Variants in NFIL3 observed in about 807,000 individuals in gnomAD.
The protein encoded by NFIL3 is nuclear factor interleukin-3-regulated protein.
NFIL3 carries 5 observed loss-of-function variants against 10.0 expected under a neutral mutation model. The observed-to-expected ratio is 0.50, with a 90% CI of 0.26 to 1.06. The LOEUF is 1.06. Ranked by LOEUF, NFIL3 falls within the 50% of genes least tolerant of loss-of-function variation. NFIL3 has a pLI of 0.13. For missense variants in NFIL3, 436 were observed against 547.6 expected, an observed-to-expected ratio of 0.80 and a Z score of 2.03; for synonymous variants, 202 against 206.5, an observed-to-expected ratio of 0.98 and a Z score of 0.19.
chr9:91,416,028 T>C (rs1009377781), intron 1 of NFIL3, among the ~76,000 whole-genome samples: 1 of 152,242 alleles, frequency 6.6e-6, no homozygotes, highest in Non-Finnish European at 1.5e-5. Context: ...TGGCACTATT[T>C]ATGAATTGAG....
At chr9:91,481,767 CAAAT>C in the NFIL3 span, among the ~76,000 whole-genome samples, 1 of 151,640 alleles carries the variant, frequency 6.6e-6, no homozygotes, top group African/African-American at 2.4e-5. Context: ...ATATATGTGA[CAAAT>C]AAAGAGTTAA....
the NFIL3 span, among the ~76,000 whole-genome samples, chr9:91,453,994 G>C: frequency 6.6e-6 from 1 of 151,958 alleles, no homozygotes. Flanking sequence ...AGCACTTTGG[G>C]AGGCTGAGGC....
chr9:91,451,645 C>T, the NFIL3 span, among the ~76,000 whole-genome samples: 1 of 152,196 alleles, frequency 6.6e-6, no homozygotes. Context: ...GAAGTAATGT[C>T]TCTCAGACAA....
At chr9:91,416,690 T>C (rs1377943931) in intron 1 of NFIL3, among the ~76,000 whole-genome samples, 1 of 152,226 alleles carries the variant, frequency 6.6e-6, no homozygotes, top group African/African-American at 2.4e-5. Context: ...TTGACATATT[T>C]TTCCATACAT....
upstream of NFIL3, among the ~76,000 whole-genome samples, chr9:91,424,899 C>T (rs776471214): frequency 7.2e-5 from 11 of 152,202 alleles, no homozygotes; most frequent in Non-Finnish European, 1.5e-4. Flanking sequence ...CCCAAATTCC[C>T]GGGCTACGGA....
chr9:91,415,143 C>T (rs1372846786), intron 1 of NFIL3, among the ~76,000 whole-genome samples: 8 of 152,054 alleles, frequency 5.3e-5, no homozygotes, highest in African/African-American at 1.4e-4. Flanking sequence ...ACCAAACTCC[C>T]GAGACCAGGC....
At chr9:91,416,676 C>G (rs1423910488) in intron 1 of NFIL3, among the ~76,000 whole-genome samples, 1 of 152,146 alleles carries the variant, frequency 6.6e-6, no homozygotes, top group Non-Finnish European at 1.5e-5. Context: ...TTATTACCTA[C>G]CAGTTGACAT....
At chr9:91,428,900 C>CA in the NFIL3 span, among the ~76,000 whole-genome samples, 58 of 151,858 alleles carry the variant, frequency 3.8e-4, no homozygotes, top group African/African-American at 1.3e-3. Context: ...GGGACATTAA[C>CA]AAAAAAAGGT....
intron 1 of NFIL3, among the ~76,000 whole-genome samples, chr9:91,417,225 A>G (rs1487691316): frequency 2.0e-5 from 3 of 151,308 alleles, no homozygotes; most frequent in African/African-American, 7.3e-5. Flanking sequence ...GAATTATCTT[A>G]TTTTCCCTCT....
chr9:91,457,804 G>A, the NFIL3 span, among the ~76,000 whole-genome samples: 4 of 151,990 alleles, frequency 2.6e-5, no homozygotes, highest in African/African-American at 9.7e-5. Context: ...GTTAGCTATA[G>A]GTTTATTGTA....
At chr9:91,429,121 T>C in the NFIL3 span, among the ~76,000 whole-genome samples, 1 of 152,144 alleles carries the variant, frequency 6.6e-6, no homozygotes, top group Non-Finnish European at 1.5e-5. Context: ...ACAAGACAGG[T>C]CCACATTGCA....
At chr9:91,422,920 T>TA (rs1833796308) in intron 1 of NFIL3, among the ~76,000 whole-genome samples, 1 of 152,184 alleles carries the variant, frequency 6.6e-6, no homozygotes, top group African/African-American at 2.4e-5. Flanking sequence ...GCGCCTCAAT[T>TA]ACCAAATCAT....
At chr9:91,481,899 A>T in the NFIL3 span, among the ~76,000 whole-genome samples, 1 of 152,222 alleles carries the variant, frequency 6.6e-6, no homozygotes, top group South Asian at 2.1e-4. Flanking sequence ...ATCAATAAAC[A>T]TATGAAAATA....
the NFIL3 span, among the ~76,000 whole-genome samples, chr9:91,449,139 A>T: frequency 6.6e-6 from 1 of 152,306 alleles, no homozygotes. Flanking sequence ...AATTTTCTAT[A>T]AGTAAGACAA....
At chr9:91,444,382 AT>A in the NFIL3 span, among the ~76,000 whole-genome samples, 1 of 151,868 alleles carries the variant, frequency 6.6e-6, no homozygotes, top group Non-Finnish European at 1.5e-5. Flanking sequence ...ATCTTCCTGG[AT>A]TTCCTTTAAA....
At chr9:91,430,511 G>A in the NFIL3 span, among the ~76,000 whole-genome samples, 47 of 152,250 alleles carry the variant, frequency 3.1e-4, no homozygotes, top group Non-Finnish European at 6.3e-4. Context: ...ATACTGTCGC[G>A]GTGTGGTAAC....
chr9:91,452,028 C>A, the NFIL3 span, among the ~76,000 whole-genome samples: 3 of 152,132 alleles, frequency 2.0e-5, no homozygotes, highest in African/African-American at 7.2e-5. Flanking sequence ...GAATGGAAGC[C>A]TCCTCTTGAC....
Position 91,409,205 on chromosome 9 carries a change from A to G in NFIL3, c.*141T>C, listed in dbSNP as rs1423984986. ...CTAATCTTCATCATAATCTGTGCAC[A>G]AAAAGACACCAAACAGACAACATGT... is the stretch of plus-strand genomic sequence containing the variant. On this transcript the variant is annotated 3_prime_UTR_variant, in exon 2 of 2. Coordinates refer to ENST00000297689, the MANE Select transcript of NFIL3 (RefSeq NM_005384.3). 2 of 782,920 alleles carry G rather than the reference A, an allele frequency of 2.6e-6. No individual in the cohort carries two copies. Among genetic ancestry groups the G allele is most frequent in the Non-Finnish European group, 3.9e-6 (2 of 506,470 alleles). The allele number at this position is 782,920 out of a possible 1,614,324, so 48.5% of individuals were successfully genotyped here.
the NFIL3 span, among the ~76,000 whole-genome samples, chr9:91,433,435 C>T: frequency 2.0e-5 from 3 of 152,220 alleles, no homozygotes; most frequent in Admixed American, 6.5e-5. Flanking sequence ...GCTTATTCAT[C>T]CAGTCTTTAT....
Sources: allele counts gnomAD v4.1 joint callset (sites outside exome capture counted in the v4.1 genomes callset), GRCh38; gene constraint gnomAD v4.1.1; transcripts MANE v1.5; gene names NCBI Gene and HGNC (gene_info 2026-07-23, HGNC 2026-07-21).